Variants in TOPBP1 observed in about 807,000 individuals in gnomAD.
The protein encoded by TOPBP1 is DNA topoisomerase II binding protein 1, also known as DNA topoisomerase 2-binding protein 1.
Under a neutral mutation model 167.7 loss-of-function variants are expected in TOPBP1, and 28 were observed. The observed-to-expected ratio is 0.17, with a 90% CI of 0.12 to 0.23. TOPBP1 has a LOEUF of 0.23. TOPBP1 is among the 10% of genes least tolerant of loss of function. TOPBP1 has a pLI of 1.00. For missense variants in TOPBP1, 1,554 were observed against 1,809.6 expected (o/e 0.86, Z 2.56); for synonymous variants, 598 against 611.4 (o/e 0.98, Z 0.32).
At chr3:133,660,795 A>T (rs551376483) in intron 2 of TOPBP1, among the ~76,000 whole-genome samples, 9 of 152,368 alleles carry the variant, frequency 5.9e-5, no homozygotes, top group Non-Finnish European at 8.8e-5. Flanking sequence ...AAAGCAACTT[A>T]ATTTCCAAGA....
intron 21 of TOPBP1, 110 bp downstream of exon 21, chr3:133,618,103 T>A: frequency 1.1e-6 from 1 of 914,900 alleles, no homozygotes; most frequent in Non-Finnish European, 1.6e-6. Flanking sequence ...CTACGAAGTT[T>A]TTTTTGTTTG....
intron 27 of TOPBP1, among the ~76,000 whole-genome samples, chr3:133,607,602 T>G (rs11706809): frequency 0.14 from 21,244 of 151,978 alleles, 1,808 homozygotes; most frequent in Non-Finnish European, 0.2. Flanking sequence ...TTCGAGCACT[T>G]ATGTGATGCT....
In TOPBP1 at chr3:133,616,923, A is replaced by G. The variant is rs901482205; in HGVS notation, c.3762T>C (p.Ile1254=). Residue 1254 remains isoleucine, a splice_region_variant and synonymous_variant, in exon 23 of 28, where the codon ATT becomes ATC. Transcript: ENST00000260810. ...CTTCATGAGTCTCCTCTATCGTTATAATCTGGAATGAAAGTTTTACTTTAG... is the reference window on the plus strand; with the variant it reads ...CTTCATGAGTCTCCTCTATCGTTATGATCTGGAATGAAAGTTTTACTTTAG... The part of the protein sequence containing the change: ...PPVAPHPREK[I]ITIEETHEEL... The G allele has an allele frequency of 6.7e-7, 1 of 1,491,854 alleles. No homozygotes were observed. The highest frequency in any genetic ancestry group is 8.9e-7 in the Non-Finnish European group (1 of 1,119,874). 92.4% of individuals were successfully genotyped at this position (1,491,854 alleles called of 1,614,324 possible).
intron 19 of TOPBP1, 55 bp downstream of exon 19, chr3:133,623,036 A>T (rs1935146205): frequency 9.2e-7 from 1 of 1,091,948 alleles, no homozygotes; most frequent in African/African-American, 1.6e-5. Context: ...CTCCACAAAA[A>T]ATTGAGACCT....
At chr3:133,658,867 CT>C (rs1292225679) in intron 3 of TOPBP1, 148 bp downstream of exon 3, 1 of 805,912 alleles carries the variant, frequency 1.2e-6, no homozygotes, top group African/African-American at 1.8e-5. Context: ...CATAATTAGC[CT>C]TTCAATCCTG....
intron 2 of TOPBP1, among the ~76,000 whole-genome samples, chr3:133,660,307 T>G (rs1936647198): frequency 6.6e-6 from 1 of 152,252 alleles, no homozygotes; most frequent in Admixed American, 6.5e-5. Context: ...TGCTTTTTTC[T>G]CTTCCTAATT....
chr3:133,634,943 T>C (rs1462727830), intron 14 of TOPBP1, among the ~76,000 whole-genome samples: 1 of 151,916 alleles, frequency 6.6e-6, no homozygotes, highest in Non-Finnish European at 1.5e-5. Flanking sequence ...AAAAAATATA[T>C]TTTCCCTCCT....
In TOPBP1 at chr3:133,601,394, C is replaced by A; in HGVS notation, c.4426-1G>T. The A allele has an allele frequency of 6.7e-7, 1 of 1,493,928 alleles. No homozygotes were observed. Among genetic ancestry groups the A allele is most frequent in the South Asian group, 1.3e-5 (1 of 76,688 alleles). The allele number at this position is 1,493,928 out of a possible 1,614,324, so 92.5% of individuals were successfully genotyped here. A position where few individuals can be genotyped will look rare whatever the true frequency, so the allele number is the denominator to read the frequency against. ...AATTTTCTACATGAGGAGGTGATTCCTATAAAAGGAAAAATAAGTGATTTT... is the reference window on the plus strand; with the variant it reads ...AATTTTCTACATGAGGAGGTGATTCATATAAAAGGAAAAATAAGTGATTTT... On this transcript the variant is annotated splice_acceptor_variant, in intron 27 of 27. Transcript: ENST00000260810. LOFTEE classifies it high-confidence loss of function.
chr3:133,618,876 T>C (rs1485505967), intron 20 of TOPBP1, among the ~76,000 whole-genome samples: 2 of 151,998 alleles, frequency 1.3e-5, no homozygotes, highest in South Asian at 4.1e-4. Flanking sequence ...TATGATTACA[T>C]GGGAGGCTTG....
chr3:133,650,988 T>A (rs1936273186), intron 8 of TOPBP1, among the ~76,000 whole-genome samples: 2 of 151,734 alleles, frequency 1.3e-5, no homozygotes, highest in Admixed American at 1.3e-4. Context: ...TCCCAACTAC[T>A]TAGGAGGCTG....
intron 2 of TOPBP1, among the ~76,000 whole-genome samples, chr3:133,660,072 C>T (rs1936632933): frequency 6.6e-6 from 1 of 152,156 alleles, no homozygotes; most frequent in African/African-American, 2.4e-5. Context: ...CAACAGTACA[C>T]TAAACTTGGA....
chr3:133,652,385 T>G, intron 8 of TOPBP1, 78 bp downstream of exon 8: 4 of 1,512,074 alleles, frequency 2.6e-6, no homozygotes, highest in Non-Finnish European at 3.6e-6. Context: ...CAAGCCCAAC[T>G]CTGAAGGGTC....
intron 8 of TOPBP1, among the ~76,000 whole-genome samples, chr3:133,650,363 G>T (rs865961926): frequency 3.3e-5 from 3 of 91,158 alleles, no homozygotes; most frequent in Middle Eastern, 7.2e-3. Context: ...TTGTGTGTGT[G>T]TGGGGGGCGG....
intron 7 of TOPBP1, 122 bp downstream of exon 7, chr3:133,653,223 C>T: frequency 1.1e-6 from 1 of 943,386 alleles, no homozygotes; most frequent in Non-Finnish European, 1.5e-6. Flanking sequence ...TACAATTATG[C>T]CTAGAAGCAC....
chr3:133,622,597 G>A (rs1935129880), intron 19 of TOPBP1, among the ~76,000 whole-genome samples: 1 of 152,020 alleles, frequency 6.6e-6, no homozygotes, highest in Admixed American at 6.6e-5. Context: ...ACACTGGGGG[G>A]CTGGAGAATA....
rs756303811 is a variant in TOPBP1, at chr3:133,624,034, G to A, written c.2928+18C>T. 6.2e-6 allele frequency: 10 copies of A among 1,603,942 alleles called. No individual in the cohort carries two copies. Among genetic ancestry groups the A allele is most frequent in the Middle Eastern group, 1.7e-4 (1 of 6,036 alleles). On this transcript the variant is annotated intron_variant, in intron 17 of 27. Coordinates refer to ENST00000260810, the MANE Select transcript of TOPBP1 (RefSeq NM_007027.4). Reference sequence around the variant, plus strand: ...ATTTTCAATTAACAGAGATGGGGGGGAAAAAAGCACTGCTTACATCTAAAA... The same window carrying A: ...ATTTTCAATTAACAGAGATGGGGGGAAAAAAAGCACTGCTTACATCTAAAA...
intron 10 of TOPBP1, 109 bp from the exon 11 acceptor site, chr3:133,644,472 CA>C: frequency 9.2e-7 from 1 of 1,086,632 alleles, no homozygotes; most frequent in South Asian, 1.8e-5. Context: ...ACCATACTTA[CA>C]AAACTAAAGC....
intron 27 of TOPBP1, among the ~76,000 whole-genome samples, chr3:133,604,414 G>T (rs1475688285): frequency 1.3e-5 from 2 of 151,768 alleles, no homozygotes; most frequent in African/African-American, 4.8e-5. Flanking sequence ...TGAGATTACA[G>T]GCGTGTGCTA....
At chr3:133,615,098 C>T (rs1432971582) in intron 23 of TOPBP1, among the ~76,000 whole-genome samples, 1 of 148,008 alleles carries the variant, frequency 6.8e-6, no homozygotes, top group Admixed American at 6.7e-5. Flanking sequence ...TAAAGCATAT[C>T]ATAGTTTTCC....
Sources: allele counts gnomAD v4.1 joint callset (sites outside exome capture counted in the v4.1 genomes callset), GRCh38; gene constraint gnomAD v4.1.1; transcripts MANE v1.5; gene names NCBI Gene and HGNC (gene_info 2026-07-23, HGNC 2026-07-21).